The following TRDN variants were observed in gnomAD, a reference collection of about 807,000 sequenced individuals.
TRDN encodes triadin in skeletal muscle.
A neutral mutation model predicts 149.7 loss-of-function variants in TRDN; 161 were observed. That is an observed-to-expected ratio of 1.08 (90% CI 0.95 to 1.23). TRDN has a LOEUF of 1.23. Among genes scored for constraint, TRDN ranks in the 50% most tolerant of loss-of-function variants. The probability of loss-of-function intolerance (pLI) is 0.00; values close to 1 mark genes in which losing one functional copy is unlikely to be tolerated. For synonymous variants in TRDN, 294 were observed against 250.5 expected (o/e 1.17, Z -1.64); for missense variants, 896 against 823.5 (o/e 1.09, Z -1.08).
intron 38 of TRDN, among the ~76,000 whole-genome samples, chr6:123,248,167 A>C (rs1176304218): frequency 6.6e-6 from 1 of 152,174 alleles, no homozygotes; most frequent in Non-Finnish European, 1.5e-5. Context: ...GAAATAATAA[A>C]ATCAAAACAG....
At chr6:123,545,667 T>G (rs761526524) in intron 4 of TRDN, among the ~76,000 whole-genome samples, 3 of 151,942 alleles carry the variant, frequency 2.0e-5, no homozygotes, top group Non-Finnish European at 2.9e-5. Flanking sequence ...AGTGCACATG[T>G]GTTGAAGGAC....
At chr6:123,553,765 T>C (rs1781513625) in intron 2 of TRDN, among the ~76,000 whole-genome samples, 1 of 152,160 alleles carries the variant, frequency 6.6e-6, no homozygotes, top group Non-Finnish European at 1.5e-5. Flanking sequence ...CTCAGGAGAC[T>C]TATTCACTAC....
At chr6:123,511,721 C>T (rs192838645) in intron 7 of TRDN, among the ~76,000 whole-genome samples, 129 of 152,124 alleles carry the variant, frequency 8.5e-4, no homozygotes, top group African/African-American at 3.0e-3. Flanking sequence ...TTAGGGCCCA[C>T]GAGGCTGAAA....
At chr6:123,350,149 G>A in intron 21 of TRDN, 1 of 970,934 alleles carries the variant, frequency 1.0e-6, no homozygotes. Flanking sequence ...TTGATGGTTA[G>A]TAGACAAATC....
At chr6:123,280,293 T>G (rs533086728) in intron 24 of TRDN, among the ~76,000 whole-genome samples, 1 of 151,906 alleles carries the variant, frequency 6.6e-6, no homozygotes, top group Admixed American at 6.6e-5. Flanking sequence ...AATAAACTAC[T>G]TGAGGCCAAG....
intron 5 of TRDN, chr6:123,529,295 T>C (rs143874338): frequency 6.6e-5 from 103 of 1,548,958 alleles, no homozygotes; most frequent in African/African-American, 9.6e-5. Context: ...GTCCAACTTC[T>C]GTGATCAAAG....
At chr6:123,542,766 A>G (rs921513831) in intron 4 of TRDN, among the ~76,000 whole-genome samples, 1 of 151,988 alleles carries the variant, frequency 6.6e-6, no homozygotes, top group Non-Finnish European at 1.5e-5. Context: ...AAAAAAACAT[A>G]TATTTTTTAA....
Position 123,636,750 on chromosome 6 carries a change from A to G in TRDN, c.22+4T>C, listed in dbSNP as rs757565507. The G allele has an allele frequency of 6.2e-7, 1 of 1,611,496 alleles. No homozygotes were observed. Among genetic ancestry groups the G allele is most frequent in the Non-Finnish European group, 8.5e-7 (1 of 1,178,442 alleles). On this transcript the variant is annotated splice_donor_region_variant and intron_variant, in intron 1 of 40. Transcript: ENST00000334268. ...TTGATACTATCGGAAAATGGTAGCA[A>G]TACCTTCAGCAGTGATCTCAGTCAT...
intron 24 of TRDN, among the ~76,000 whole-genome samples, chr6:123,293,181 C>T (rs760762541): frequency 7.9e-5 from 12 of 152,148 alleles, no homozygotes; most frequent in Admixed American, 2.0e-4. Context: ...CTACAAGTCT[C>T]ACTTCCCACA....
chr6:123,252,524 A>G, intron 37 of TRDN, 89 bp from the exon 38 acceptor site: 1 of 676,528 alleles, frequency 1.5e-6, no homozygotes, highest in Non-Finnish European at 2.4e-6. Context: ...ATATCTAATT[A>G]TTTTGTTTCT....
intron 13 of TRDN, among the ~76,000 whole-genome samples, chr6:123,390,654 T>C (rs971527290): frequency 5.9e-5 from 9 of 152,114 alleles, no homozygotes; most frequent in Non-Finnish European, 8.8e-5. Context: ...CGGGATTCAA[T>C]TGTTTCTAGA....
intron 24 of TRDN, among the ~76,000 whole-genome samples, chr6:123,314,036 G>T (rs1298444825): frequency 1.3e-5 from 2 of 151,976 alleles, no homozygotes; most frequent in East Asian, 1.9e-4. Flanking sequence ...CATAGCAAAA[G>T]AAACTATCAA....
chr6:123,269,173 A>C (rs1777119805), intron 31 of TRDN, among the ~76,000 whole-genome samples: 1 of 151,994 alleles, frequency 6.6e-6, no homozygotes, highest in East Asian at 1.9e-4. Flanking sequence ...CAGTGGGTAA[A>C]TATTTATGCC....
chr6:123,431,152 GT>G (rs1774324443), intron 12 of TRDN, among the ~76,000 whole-genome samples: 1 of 152,170 alleles, frequency 6.6e-6, no homozygotes, highest in Non-Finnish European at 1.5e-5. Context: ...TCAAGACGCT[GT>G]CATCTGAACG....
chr6:123,498,117 T>C (rs1778528786), intron 8 of TRDN: 1 of 163,796 alleles, frequency 6.1e-6, no homozygotes, highest in Admixed American at 5.9e-5. Flanking sequence ...AAAGCATACA[T>C]ATTATGAAAT....
rs2114491915 is a variant in TRDN, at chr6:123,218,484, G to C, written c.*117C>G. On this transcript the variant is annotated 3_prime_UTR_variant, in exon 41 of 41. Coordinates refer to ENST00000334268, the MANE Select transcript of TRDN (RefSeq NM_006073.4). ...CTTTCCGTCCACACCAGGCCAAAGAGCAAAATGTTTTCACAGAAATTCTCT... is the reference window on the plus strand; with the variant it reads ...CTTTCCGTCCACACCAGGCCAAAGACCAAAATGTTTTCACAGAAATTCTCT... The C allele has an allele frequency of 1.6e-6, 2 of 1,284,518 alleles. No homozygotes were observed. The highest frequency in any genetic ancestry group is 3.1e-5 in the South Asian group (2 of 64,410). 79.6% of individuals were successfully genotyped at this position (1,284,518 alleles called of 1,614,324 possible).
chr6:123,475,177 A>G (rs1468615833), intron 9 of TRDN, among the ~76,000 whole-genome samples: 24 of 150,392 alleles, frequency 1.6e-4, no homozygotes, highest in Admixed American at 5.9e-4. Flanking sequence ...TAATAAAGAA[A>G]AAAAGAGAGA....
intron 24 of TRDN, among the ~76,000 whole-genome samples, chr6:123,291,065 C>A (rs1777993704): frequency 6.6e-6 from 1 of 151,638 alleles, no homozygotes; most frequent in Non-Finnish European, 1.5e-5. Context: ...ACTGAGGCAG[C>A]ATAATCATTT....
intron 9 of TRDN, among the ~76,000 whole-genome samples, chr6:123,468,592 A>G (rs1776970002): frequency 6.6e-6 from 1 of 152,272 alleles, no homozygotes; most frequent in Non-Finnish European, 1.5e-5. Context: ...GATGAATGAG[A>G]TTACTAAAAA....
Sources: allele counts gnomAD v4.1 joint callset (sites outside exome capture counted in the v4.1 genomes callset), GRCh38; gene constraint gnomAD v4.1.1; transcripts MANE v1.5; gene names NCBI Gene and HGNC (gene_info 2026-07-23, HGNC 2026-07-21).